The following GRIK4 variants were observed in gnomAD, a reference collection of about 807,000 sequenced individuals.
GRIK4 encodes glutamate ionotropic receptor kainate type subunit 4, also known as glutamate receptor ionotropic, kainate 4.
In GRIK4, 40 loss-of-function variants were observed where a neutral mutation model predicts 104.9. The observed-to-expected ratio is 0.38, with a 90% CI of 0.30 to 0.50. The LOEUF (loss-of-function observed/expected upper bound fraction) is 0.50. GRIK4 is among the 20% of genes least tolerant of loss of function. GRIK4 has a pLI of 0.93. For missense variants in GRIK4, 1,047 were observed against 1,308.1 expected (o/e 0.80, Z 3.08); for synonymous variants, 485 against 524.9 (o/e 0.92, Z 1.04).
intron 1 of GRIK4, among the ~76,000 whole-genome samples, chr11:120,558,017 C>CAAAAA (rs59960959): frequency 2.8e-4 from 11 of 39,604 alleles, no homozygotes; most frequent in East Asian, 9.5e-4. Flanking sequence ...GACTCCGTCT[C>CAAAAA]AAAAAAAAAA....
chr11:120,829,525 A>G (rs1953367057), intron 6 of GRIK4, among the ~76,000 whole-genome samples: 1 of 152,142 alleles, frequency 6.6e-6, no homozygotes, highest in Admixed American at 6.5e-5. Context: ...TCCTGTCTGC[A>G]CAATGCCTGG....
In GRIK4 at chr11:120,609,567, C is replaced by T. The variant is rs1393596670; in HGVS notation, c.-158-44118C>T. ...TTTGAGACAGAGTTTTGCTCTGTTGCCCAGGCTGGAGGTCTCGGTTCACTG... is the reference window on the plus strand; with the variant it reads ...TTTGAGACAGAGTTTTGCTCTGTTGTCCAGGCTGGAGGTCTCGGTTCACTG... On this transcript the variant is annotated intron_variant, in intron 1 of 20. Transcript: ENST00000527524. Among the ~76,000 whole-genome samples, 23 of 121,652 alleles carry T rather than the reference C, an allele frequency of 1.9e-4. 1 individual carries two copies. In the Middle Eastern group the frequency reaches 0.02, roughly 104 times the overall value. The allele number at this position is 121,652 out of a possible 152,430, so 79.8% of individuals were successfully genotyped here.
intron 3 of GRIK4, among the ~76,000 whole-genome samples, chr11:120,757,769 T>C (rs143033399): frequency 8.5e-5 from 13 of 152,252 alleles, no homozygotes; most frequent in African/African-American, 3.1e-4. Flanking sequence ...AGAGTTTGGA[T>C]TGGGGGATTC....
Position 120,875,216 on chromosome 11 carries a change from A to G in GRIK4, c.1137A>G (p.Leu379=). The stretch of plus-strand genomic sequence containing the variant: ...GGTCCAACTACGCTTTGAAAATCTT[A>G]CAGTTCACAAGGAATGGTTTTCGGC... ...GQRSNYALKI[L]QFTRNGFRQI... is the part of the protein sequence containing the mutation. Residue 379 remains leucine, a synonymous_variant, in exon 11 of 21, where the codon TTA becomes TTG. Transcript: ENST00000527524. 1.2e-6 allele frequency: 2 copies of G among 1,612,830 alleles called. No individual in the cohort carries two copies. The highest frequency in any genetic ancestry group is 1.7e-6 in the Non-Finnish European group (2 of 1,178,778).
intron 13 of GRIK4, among the ~76,000 whole-genome samples, chr11:120,923,763 C>G (rs71486348): frequency 6.6e-6 from 1 of 152,110 alleles, no homozygotes; most frequent in Non-Finnish European, 1.5e-5. Context: ...GAAACTGGTA[C>G]CATTCATACT....
At chr11:120,655,483 A>G (rs1036009830) in intron 2 of GRIK4, among the ~76,000 whole-genome samples, 2 of 152,182 alleles carry the variant, frequency 1.3e-5, no homozygotes, top group Non-Finnish European at 2.9e-5. Context: ...CTCCTGTGCA[A>G]TGGAGAGCTC....
At chr11:120,689,423 G>A (rs1377455311) in intron 3 of GRIK4, among the ~76,000 whole-genome samples, 1 of 152,036 alleles carries the variant, frequency 6.6e-6, no homozygotes, top group East Asian at 1.9e-4. Flanking sequence ...CAACTCCTTA[G>A]TGTGCAGTAT....
At chr11:120,594,070 C>T (rs1474730973) in intron 1 of GRIK4, among the ~76,000 whole-genome samples, 1 of 152,226 alleles carries the variant, frequency 6.6e-6, no homozygotes, top group African/African-American at 2.4e-5. Context: ...TTCTCTTGTT[C>T]CTTGTTCTTC....
intron 1 of GRIK4, among the ~76,000 whole-genome samples, chr11:120,586,885 G>C (rs527265629): frequency 6.6e-6 from 1 of 152,286 alleles, no homozygotes; most frequent in Admixed American, 6.5e-5. Flanking sequence ...AGTAGTGAGG[G>C]GAGGTCCAGA....
intron 3 of GRIK4, among the ~76,000 whole-genome samples, chr11:120,800,874 CCT>C (rs1472933156): frequency 6.6e-6 from 1 of 152,196 alleles, no homozygotes; most frequent in Admixed American, 6.5e-5. Context: ...GGCTTGATTC[CCT>C]GTGTTGCTTT....
chr11:120,619,730 G>A (rs1036424280), intron 1 of GRIK4, among the ~76,000 whole-genome samples: 3 of 152,142 alleles, frequency 2.0e-5, no homozygotes, highest in Non-Finnish European at 2.9e-5. Context: ...CATGTGAAGT[G>A]CTTGCTCCTC....
At chr11:120,876,808 C>T (rs1054984378) in intron 11 of GRIK4, among the ~76,000 whole-genome samples, 11 of 152,202 alleles carry the variant, frequency 7.2e-5, no homozygotes, top group Admixed American at 6.5e-4. Context: ...GATTTTTAAA[C>T]TCTACCTCAC....
intron 1 of GRIK4, among the ~76,000 whole-genome samples, chr11:120,610,475 C>T (rs781567001): frequency 5.9e-5 from 9 of 152,102 alleles, no homozygotes; most frequent in East Asian, 1.9e-4. Context: ...AGAGGGTGGC[C>T]GCAGGGATGG....
intron 3 of GRIK4, among the ~76,000 whole-genome samples, chr11:120,710,596 C>A (rs1950714814): frequency 1.3e-5 from 2 of 152,180 alleles, no homozygotes; most frequent in African/African-American, 4.8e-5. Context: ...GAGAGTCTTT[C>A]TTCACAGATT....
chr11:120,560,616 A>G (rs1948229428), intron 1 of GRIK4, among the ~76,000 whole-genome samples: 1 of 152,218 alleles, frequency 6.6e-6, no homozygotes. Flanking sequence ...TGATAGTAAG[A>G]GTCAAATTGA....
Position 120,819,711 on chromosome 11 carries a change from C to T in GRIK4, c.346-44C>T, listed in dbSNP as rs372864341. 27 of 1,593,312 alleles carry T rather than the reference C, an allele frequency of 1.7e-5. No homozygotes were observed. The African/African-American group carries it at 2.7e-4, about 16-fold the overall frequency. On this transcript the variant is annotated intron_variant, in intron 5 of 20. Coordinates refer to ENST00000527524, the MANE Select transcript of GRIK4 (RefSeq NM_014619.5). The surrounding 1 kb of genome is among the most constrained non-coding windows in gnomAD (Gnocchi z 4.3). ...CTCATCCCTCTTTCTTCCTTTTCAC[C>T]CACCTGGATCCTCCCTGCTGTCCGT...
At chr11:120,848,122 C>T (rs2135594291) in intron 8 of GRIK4, among the ~76,000 whole-genome samples, 1 of 152,330 alleles carries the variant, frequency 6.6e-6, no homozygotes, top group Non-Finnish European at 1.5e-5. Flanking sequence ...ATGAGAAACT[C>T]CCTCCTGGAG....
chr11:120,694,724 C>T (rs1302849787), intron 3 of GRIK4, among the ~76,000 whole-genome samples: 2 of 152,142 alleles, frequency 1.3e-5, no homozygotes, highest in Non-Finnish European at 2.9e-5. Flanking sequence ...AGCAGAGCTC[C>T]AGGGGGCCTG....
chr11:120,865,215 A>G (rs1954374556), intron 9 of GRIK4, among the ~76,000 whole-genome samples: 1 of 152,176 alleles, frequency 6.6e-6, no homozygotes, highest in African/African-American at 2.4e-5. Context: ...CCAATTCACA[A>G]TCATTCACTA....
Sources: allele counts gnomAD v4.1 joint callset (sites outside exome capture counted in the v4.1 genomes callset), GRCh38; gene constraint gnomAD v4.1.1; non-coding constraint Gnocchi (gnomAD v3.1); transcripts MANE v1.5; gene names NCBI Gene and HGNC (gene_info 2026-07-23, HGNC 2026-07-21).